Variants in EPC2 observed in about 807,000 individuals in gnomAD.
The protein encoded by EPC2 is enhancer of polycomb homolog 2.
Under a neutral mutation model 92.1 loss-of-function variants are expected in EPC2, and 14 were observed. The ratio of observed to expected loss-of-function variants is 0.15; its 90% confidence interval spans 0.10 to 0.24. EPC2 has a LOEUF of 0.24. EPC2 is among the 10% of genes least tolerant of loss of function. EPC2 has a pLI of 1.00. For synonymous variants in EPC2, 340 were observed against 334.7 expected (o/e 1.02, Z -0.17); for missense variants, 755 against 971.5 (o/e 0.78, Z 2.96).
At chr2:148,778,576 G>A (rs1021976648) in intron 10 of EPC2, among the ~76,000 whole-genome samples, 16 of 123,142 alleles carry the variant, frequency 1.3e-4, no homozygotes, top group Non-Finnish European at 2.4e-4. Flanking sequence ...TGAGAACCCT[G>A]AGAATTGCAA....
chr2:148,784,732 A>G lies in EPC2; in HGVS notation c.2082A>G (p.Val694=). ...ALSSSPGISA[V]QLVRTVGHTT... Reference sequence around the variant, plus strand: ...CATCCAGCCCAGGGATTTCAGCTGTACAGCTTGTAAGGACAGTTGGCCACA... The same window carrying G: ...CATCCAGCCCAGGGATTTCAGCTGTGCAGCTTGTAAGGACAGTTGGCCACA... Residue 694 remains valine (V), a synonymous_variant, in exon 13 of 14, where the codon GTA becomes GTG. Transcript: ENST00000258484. 1 of 1,613,952 alleles carries G rather than the reference A, an allele frequency of 6.2e-7. No homozygotes were observed.
intron 1 of EPC2, among the ~76,000 whole-genome samples, chr2:148,650,351 T>G (rs994357751): frequency 6.6e-6 from 1 of 152,168 alleles, no homozygotes; most frequent in Non-Finnish European, 1.5e-5. Flanking sequence ...TTTGGTTGCT[T>G]ACTTTGGTAC....
intron 2 of EPC2, among the ~76,000 whole-genome samples, chr2:148,700,297 C>G (rs1316248088): frequency 2.0e-5 from 3 of 152,154 alleles, no homozygotes; most frequent in African/African-American, 7.2e-5. Context: ...AGCTCATCAT[C>G]AAACCCAAGG....
At chr2:148,658,607 G>GTGTGTATA (rs1168257662) in intron 1 of EPC2, among the ~76,000 whole-genome samples, 19 of 141,260 alleles carry the variant, frequency 1.3e-4, no homozygotes, top group South Asian at 2.4e-4. Flanking sequence ...GTGTGTGTGT[G>GTGTGTATA]TATATATATA....
chr2:148,753,153 A>AT (rs1372296511), intron 3 of EPC2, among the ~76,000 whole-genome samples: 1 of 152,152 alleles, frequency 6.6e-6, no homozygotes, highest in Admixed American at 6.5e-5. Context: ...GACCAAGCAA[A>AT]TGTTTACAGC....
At chr2:148,696,800 T>G (rs1681755623) in intron 2 of EPC2, among the ~76,000 whole-genome samples, 1 of 152,214 alleles carries the variant, frequency 6.6e-6, no homozygotes, top group Non-Finnish European at 1.5e-5. Context: ...GAGAGCACCT[T>G]ACAGCATCTT....
chr2:148,769,764 C>T (rs1683480245), intron 8 of EPC2, among the ~76,000 whole-genome samples: 1 of 152,140 alleles, frequency 6.6e-6, no homozygotes, highest in African/African-American at 2.4e-5. Context: ...CGCATTATAT[C>T]ACTCTCCAAG....
chr2:148,703,465 C>A (rs372202792), intron 2 of EPC2, among the ~76,000 whole-genome samples: 29 of 151,702 alleles, frequency 1.9e-4, no homozygotes, highest in African/African-American at 6.8e-4. Flanking sequence ...CTAAAGGAAA[C>A]AAAAAACGTT....
intron 1 of EPC2, among the ~76,000 whole-genome samples, chr2:148,651,971 G>A (rs1680696616): frequency 6.6e-6 from 1 of 152,192 alleles, no homozygotes. Context: ...TTGCTTCACC[G>A]TTGTACTGCT....
chr2:148,768,594 G>A (rs908225206), intron 7 of EPC2, among the ~76,000 whole-genome samples: 17 of 152,114 alleles, frequency 1.1e-4, no homozygotes, highest in African/African-American at 3.6e-4. Context: ...CTTCTGATCT[G>A]CTAAGTTTAA....
chr2:148,754,172 A>G (rs770653771), intron 4 of EPC2, 39 bp downstream of exon 4: 3 of 1,439,416 alleles, frequency 2.1e-6, no homozygotes, highest in Non-Finnish European at 2.8e-6. Flanking sequence ...GTAGCTTAAT[A>G]GTATTCAAGA....
At chr2:148,647,433 G>C (rs978849889) in intron 1 of EPC2, among the ~76,000 whole-genome samples, 1 of 146,200 alleles carries the variant, frequency 6.8e-6, no homozygotes, top group East Asian at 2.1e-4. Flanking sequence ...TCAGCCTCCC[G>C]AGCAGCTGAG....
At chr2:148,751,444 C>CT (rs1683081362) in intron 3 of EPC2, among the ~76,000 whole-genome samples, 2 of 151,910 alleles carry the variant, frequency 1.3e-5, no homozygotes, top group South Asian at 4.2e-4. Flanking sequence ...ATTTACCAGA[C>CT]TTTTTTGCCA....
chr2:148,662,036 C>T (rs530172675), intron 1 of EPC2, among the ~76,000 whole-genome samples: 7 of 152,098 alleles, frequency 4.6e-5, no homozygotes, highest in Non-Finnish European at 5.9e-5. Flanking sequence ...CAAAAGAAGA[C>T]ATTTATGCAG....
At chr2:148,728,770 C>T (rs542491984) in intron 2 of EPC2, among the ~76,000 whole-genome samples, 5 of 150,964 alleles carry the variant, frequency 3.3e-5, no homozygotes, top group East Asian at 3.9e-4. Flanking sequence ...CGGTAGCTCA[C>T]GCCTGTAATC....
At chr2:148,747,546 A>T (rs1574620189) in intron 3 of EPC2, among the ~76,000 whole-genome samples, 2 of 151,914 alleles carry the variant, frequency 1.3e-5, no homozygotes, top group South Asian at 4.2e-4. Flanking sequence ...AAATTTTCAG[A>T]AGTTTGGCTA....
intron 4 of EPC2, among the ~76,000 whole-genome samples, chr2:148,756,790 C>T (rs537531416): frequency 2.5e-4 from 38 of 152,170 alleles, no homozygotes; most frequent in Non-Finnish European, 5.1e-4. Context: ...AAATTCCCAG[C>T]GTAGTGGTTG....
rs551952662 is a variant in EPC2 at position 148,726,299 on chromosome 2, T to C, written c.314-17323T>C. On this transcript the variant is annotated intron_variant, in intron 2 of 13. Coordinates refer to ENST00000258484, the MANE Select transcript of EPC2 (RefSeq NM_015630.4). ...TTCAAGGTCTTGTTTTCAGTTCTTT[T>C]GGATATATACACAGAAGTGAGATTG... Among the ~76,000 whole-genome samples the C allele has an allele frequency of 9.8e-5, 15 of 152,332 alleles. No individual in the cohort carries two copies. In the East Asian group the frequency reaches 2.7e-3, roughly 27 times the overall value.
chr2:148,742,672 C>G (rs1468224047), intron 2 of EPC2, among the ~76,000 whole-genome samples: 1 of 151,018 alleles, frequency 6.6e-6, no homozygotes, highest in Admixed American at 6.6e-5. Flanking sequence ...CCCAACTTTA[C>G]TTGGGAGACT....
Sources: gnomAD v4.1 joint callset for allele counts (sites outside exome capture counted in the v4.1 genomes callset) on GRCh38, gnomAD v4.1.1 for gene constraint, MANE v1.5 for transcripts, NCBI Gene and HGNC (gene_info 2026-07-23, HGNC 2026-07-21) for gene names.